PDE2A: variants seen among roughly 807,000 people sequenced by gnomAD.
The protein encoded by PDE2A is phosphodiesterase 2A, also known as cGMP-dependent 3',5'-cyclic phosphodiesterase.
In PDE2A, 53 loss-of-function variants were observed where a neutral mutation model predicts 133.6. The observed-to-expected ratio is 0.40, with a 90% confidence interval of 0.32 to 0.50. The LOEUF (loss-of-function observed/expected upper bound fraction) is 0.50. Among genes scored for constraint, PDE2A ranks in the 20% least tolerant of loss-of-function variants. The pLI is 0.73. For missense variants in PDE2A, 796 were observed against 1,232.4 expected (o/e 0.65, Z 5.30); for synonymous variants, 491 against 490.2 (o/e 1.00, Z -0.02).
chr11:72,590,520 G>T lies in PDE2A; in HGVS notation c.610C>A (p.Arg204=). 2 of 1,467,612 alleles carry T rather than the reference G, an allele frequency of 1.4e-6. No individual in the cohort carries two copies. The highest frequency in any genetic ancestry group is 1.8e-6 in the Non-Finnish European group (2 of 1,115,384). 90.9% of individuals were successfully genotyped at this position (1,467,612 alleles called of 1,614,324 possible). ...LQQRGPREAP[R]AVQNPPEGTA... ...CCCTCCGGGGGGTTCTGGACGGCTC[G>T]GGGAGCCTCCCTGGGCCCGCGCTGC... The change falls in exon 8 of 31, where the codon CGA becomes AGA. Residue 204 remains arginine, a synonymous_variant. Coordinates refer to ENST00000334456, the MANE Select transcript of PDE2A (RefSeq NM_002599.5). This position sits in a 1 kb window ranked among gnomAD's most constrained non-coding sequence, Gnocchi z 4.8.
In PDE2A at chr11:72,590,927, A is replaced by G. The variant is rs1591032745; in HGVS notation, c.550-347T>C. On this transcript the variant is annotated intron_variant, in intron 7 of 30. Transcript: ENST00000334456. This position sits in a 1 kb window ranked among gnomAD's most constrained non-coding sequence, Gnocchi z 4.8. ...AAAATCATAAAGTCTCAGGCATGAA[A>G]GAGCCTCAGTATCATTATGTGGAGG... The G allele has an allele frequency of 2.8e-6, 1 of 355,388 alleles. No individual in the cohort carries two copies. The highest frequency in any genetic ancestry group is 5.0e-6 in the Non-Finnish European group (1 of 198,748). 22.0% of individuals were successfully genotyped at this position (355,388 alleles called of 1,614,324 possible).
intron 2 of PDE2A, among the ~76,000 whole-genome samples, chr11:72,621,385 G>A (rs895143759): frequency 7.9e-5 from 12 of 152,178 alleles, no homozygotes; most frequent in African/African-American, 1.2e-4. Context: ...CATGCAGCCC[G>A]GTCACCTATA....
chr11:72,608,767 G>A lies in PDE2A; in HGVS notation c.145-16C>T, dbSNP rs368057441. 68 of 1,463,670 alleles carry A rather than the reference G, an allele frequency of 4.6e-5. No homozygotes were observed. The African/African-American group carries it at 7.9e-4, about 17-fold the overall frequency. The allele number at this position is 1,463,670 out of a possible 1,614,324, so 90.7% of individuals were successfully genotyped here. A position where few individuals can be genotyped will look rare whatever the true frequency, so the allele number is the denominator to read the frequency against. On this transcript the variant is annotated splice_polypyrimidine_tract_variant and intron_variant, in intron 2 of 30. Transcript: ENST00000334456. ...GCAAGGCGTCCTGGAAGAGAGGAGAGGGCAGTGAGAGGCTTTGCCAGGCAG... is the reference window on the plus strand; with the variant it reads ...GCAAGGCGTCCTGGAAGAGAGGAGAAGGCAGTGAGAGGCTTTGCCAGGCAG...
chr11:72,595,642 C>T (rs1856446091), intron 6 of PDE2A, among the ~76,000 whole-genome samples: 1 of 152,078 alleles, frequency 6.6e-6, no homozygotes, highest in African/African-American at 2.4e-5. Flanking sequence ...GAGGAGTCCC[C>T]GGGGAACCAA....
intron 2 of PDE2A, among the ~76,000 whole-genome samples, chr11:72,610,888 A>C (rs1247518012): frequency 6.6e-6 from 1 of 152,184 alleles, no homozygotes; most frequent in Non-Finnish European, 1.5e-5. Flanking sequence ...CAAGAGCTCG[A>C]GTGATACCTG....
chr11:72,577,662 G>C (rs947509981), intron 30 of PDE2A, 68 bp from the exon 31 acceptor site: 2 of 1,140,016 alleles, frequency 1.8e-6, no homozygotes, highest in Non-Finnish European at 2.6e-6. Context: ...GAAAGACTAG[G>C]GCTACACAAC....
At chr11:72,642,136 A>G in intron 2 of PDE2A, 118 bp downstream of exon 2, 1 of 1,286,020 alleles carries the variant, frequency 7.8e-7, no homozygotes, top group Non-Finnish European at 1.0e-6. Flanking sequence ...GCACAGGAGT[A>G]GAATTCAGAA....
At chr11:72,628,128 C>T (rs1329261536) in intron 2 of PDE2A, among the ~76,000 whole-genome samples, 1 of 152,306 alleles carries the variant, frequency 6.6e-6, no homozygotes, top group Non-Finnish European at 1.5e-5. Context: ...TGCAGAGCAT[C>T]CTGTCTCACA....
At chr11:72,594,687 A>G (rs977002600) in intron 6 of PDE2A, among the ~76,000 whole-genome samples, 2 of 151,780 alleles carry the variant, frequency 1.3e-5, no homozygotes, top group African/African-American at 4.8e-5. Context: ...CCCTCAGCAC[A>G]CCACCCCTTC....
intron 1 of PDE2A, among the ~76,000 whole-genome samples, chr11:72,658,500 T>C (rs1194959187): frequency 6.6e-6 from 1 of 152,152 alleles, no homozygotes; most frequent in Admixed American, 6.5e-5. Flanking sequence ...TTTTCTGTTT[T>C]AAATTTTTTT....
chr11:72,638,548 C>T (rs1415465221), intron 2 of PDE2A, among the ~76,000 whole-genome samples: 1 of 152,224 alleles, frequency 6.6e-6, no homozygotes, highest in African/African-American at 2.4e-5. Context: ...GGGTGGGCAA[C>T]TGACAGCATG....
chr11:72,613,368 C>A (rs1857304377), intron 2 of PDE2A, among the ~76,000 whole-genome samples: 1 of 151,916 alleles, frequency 6.6e-6, no homozygotes, highest in Non-Finnish European at 1.5e-5. Context: ...GTGAGGCCCT[C>A]CTCTCTCTCT....
chr11:72,585,138 C>A, intron 16 of PDE2A, 194 bp from the exon 17 acceptor site: 2 of 638,110 alleles, frequency 3.1e-6, no homozygotes, highest in Middle Eastern at 8.5e-4. Flanking sequence ...TTGGAAGCAC[C>A]TACTATGTGC....
chr11:72,579,155 G>C (rs11605051), intron 27 of PDE2A, 129 bp downstream of exon 27: 12 of 933,914 alleles, frequency 1.3e-5, no homozygotes. Flanking sequence ...TCTGCCTGGG[G>C]GGGGCCGTGC....
At chr11:72,630,462 G>A (rs1858318272) in intron 2 of PDE2A, among the ~76,000 whole-genome samples, 1 of 151,834 alleles carries the variant, frequency 6.6e-6, no homozygotes, top group East Asian at 1.9e-4. Flanking sequence ...AAGGAGGCTA[G>A]AGCTGATCCC....
At chr11:72,652,171 G>A (rs1461067648) in intron 1 of PDE2A, among the ~76,000 whole-genome samples, 1 of 152,232 alleles carries the variant, frequency 6.6e-6, no homozygotes, top group Non-Finnish European at 1.5e-5. Flanking sequence ...CTACCCAGCA[G>A]CCCCAAATGC....
chr11:72,629,173 G>A (rs1238108338), intron 2 of PDE2A, among the ~76,000 whole-genome samples: 3 of 152,242 alleles, frequency 2.0e-5, no homozygotes, highest in Non-Finnish European at 2.9e-5. Flanking sequence ...ACAGGGATAG[G>A]AGCAGGTGGG....
Position 72,580,946 on chromosome 11 carries a change from A to G in PDE2A, c.2073T>C (p.Ile691=). 6.2e-7 allele frequency: 1 copy of G among 1,613,590 alleles called. No individual in the cohort carries two copies. Among genetic ancestry groups the G allele is most frequent in the Non-Finnish European group, 8.5e-7 (1 of 1,179,576 alleles). The change falls in exon 24 of 31, where the codon ATT becomes ATC. Residue 691 remains isoleucine (I), a synonymous_variant. Coordinates refer to ENST00000334456, the MANE Select transcript of PDE2A (RefSeq NM_002599.5). ...LEDIEIFALF[I]SCMCHDLDHR... ...GGTCCAGGTCATGACACATGCAGGA[A>G]ATAAACAAGGCAAAGATCTCGATGT...
At chr11:72,619,288 T>C (rs1386459897) in intron 2 of PDE2A, among the ~76,000 whole-genome samples, 2 of 152,212 alleles carry the variant, frequency 1.3e-5, no homozygotes, top group Non-Finnish European at 2.9e-5. Context: ...CTGGATACAC[T>C]CATCAGAACT....
Sources: allele counts gnomAD v4.1 joint callset (sites outside exome capture counted in the v4.1 genomes callset), GRCh38; gene constraint gnomAD v4.1.1; non-coding constraint Gnocchi (gnomAD v3.1); transcripts MANE v1.5; gene names NCBI Gene and HGNC (gene_info 2026-07-23, HGNC 2026-07-21).